SCHIP1: variants seen among roughly 807,000 people sequenced by gnomAD.
SCHIP1 encodes schwannomin interacting protein 1, also known as schwannomin-interacting protein 1.
SCHIP1 carries 8 observed loss-of-function variants against 29.7 expected under a neutral mutation model. That is an observed-to-expected ratio of 0.27 (90% CI 0.16 to 0.49). SCHIP1 has a LOEUF of 0.49. Among genes scored for constraint, SCHIP1 ranks in the 20% least tolerant of loss-of-function variants. SCHIP1 has a pLI of 0.99. For missense variants in SCHIP1, 193 were observed against 294.6 expected, an observed-to-expected ratio of 0.66 and a Z score of 2.52; for synonymous variants, 76 against 94.9, an observed-to-expected ratio of 0.80 and a Z score of 1.16.
chr3:159,345,804 A>T, the SCHIP1 span, among the ~76,000 whole-genome samples: 2 of 152,182 alleles, frequency 1.3e-5, no homozygotes, highest in Non-Finnish European at 1.5e-5. Context: ...GGGCCTGAGG[A>T]TGTGTCTTGG....
At chr3:159,749,693 G>A in the SCHIP1 span, among the ~76,000 whole-genome samples, 1,123 of 152,304 alleles carry the variant, frequency 7.4e-3, 10 homozygotes, top group African/African-American at 0.026. Flanking sequence ...TAGAGGCTCC[G>A]CAGCTTGCAC....
At chr3:159,761,438 A>G in the SCHIP1 span, among the ~76,000 whole-genome samples, 4 of 152,234 alleles carry the variant, frequency 2.6e-5, no homozygotes, top group Admixed American at 2.0e-4. Context: ...TGAAAGCTCC[A>G]AGCTCCTAAC....
chr3:159,523,821 C>A, the SCHIP1 span, among the ~76,000 whole-genome samples: 1 of 152,176 alleles, frequency 6.6e-6, no homozygotes, highest in African/African-American at 2.4e-5. Flanking sequence ...GATCTAGAAA[C>A]AAACACAATG....
the SCHIP1 span, among the ~76,000 whole-genome samples, chr3:159,396,416 C>T: frequency 2.0e-5 from 3 of 146,564 alleles, no homozygotes; most frequent in Non-Finnish European, 3.0e-5. Context: ...TTCCTAGTCT[C>T]GATGGTCTTT....
chr3:159,286,992 C>A, the SCHIP1 span, among the ~76,000 whole-genome samples: 3 of 152,114 alleles, frequency 2.0e-5, no homozygotes, highest in East Asian at 1.9e-4. Context: ...GCACACTTTG[C>A]AGATATTTTC....
At chr3:159,347,046 C>G in the SCHIP1 span, among the ~76,000 whole-genome samples, 1 of 152,232 alleles carries the variant, frequency 6.6e-6, no homozygotes, top group East Asian at 1.9e-4. Flanking sequence ...CTTCACATCT[C>G]ACTGGCTTCA....
At chr3:159,860,518 G>GT in intron 1 of SCHIP1, among the ~76,000 whole-genome samples, 1 of 152,340 alleles carries the variant, frequency 6.6e-6, no homozygotes, top group African/African-American at 2.4e-5. Flanking sequence ...GAGGATGCTA[G>GT]ACGTGGTATC....
At chr3:159,745,559 C>T in the SCHIP1 span, among the ~76,000 whole-genome samples, 1 of 152,200 alleles carries the variant, frequency 6.6e-6, no homozygotes, top group African/African-American at 2.4e-5. Context: ...TTTCCCATTC[C>T]ACCCTCAGCC....
At chr3:159,370,709 T>C in the SCHIP1 span, among the ~76,000 whole-genome samples, 4 of 152,302 alleles carry the variant, frequency 2.6e-5, no homozygotes, top group East Asian at 7.7e-4. Context: ...ATCCTCTCTC[T>C]CTTCTTGAGC....
chr3:159,766,813 C>G, the SCHIP1 span, among the ~76,000 whole-genome samples: 1 of 152,146 alleles, frequency 6.6e-6, no homozygotes, highest in African/African-American at 2.4e-5. Context: ...ATACAGACTG[C>G]CTTCCCTCCA....
At chr3:159,545,475 T>C in the SCHIP1 span, among the ~76,000 whole-genome samples, 2 of 151,754 alleles carry the variant, frequency 1.3e-5, no homozygotes, top group East Asian at 1.9e-4. Context: ...TGTTCTTCAG[T>C]TTTGGAACCT....
chr3:159,864,990 G>T (rs1295912912), intron 1 of SCHIP1, among the ~76,000 whole-genome samples: 3 of 152,148 alleles, frequency 2.0e-5, no homozygotes, highest in African/African-American at 7.2e-5. Context: ...ATTGTATACT[G>T]TCCTTCACTT....
At chr3:159,752,990 C>T in the SCHIP1 span, among the ~76,000 whole-genome samples, 1 of 152,176 alleles carries the variant, frequency 6.6e-6, no homozygotes, top group Non-Finnish European at 1.5e-5. Context: ...CCTCTTCGTG[C>T]ATAAATCTAG....
the SCHIP1 span, among the ~76,000 whole-genome samples, chr3:159,641,673 A>G: frequency 1.3e-4 from 20 of 152,186 alleles, no homozygotes; most frequent in African/African-American, 4.8e-4. Flanking sequence ...TTTGGCTCCT[A>G]AGTGAGTGTA....
At chr3:159,856,487 A>C (rs746913669) in intron 1 of SCHIP1, among the ~76,000 whole-genome samples, 6 of 152,142 alleles carry the variant, frequency 3.9e-5, no homozygotes, top group Non-Finnish European at 7.4e-5. Flanking sequence ...TCTAAATGAC[A>C]CTAATGGAGA....
chr3:159,442,363 GA>G, the SCHIP1 span, among the ~76,000 whole-genome samples: 1 of 152,154 alleles, frequency 6.6e-6, no homozygotes, highest in East Asian at 1.9e-4. Flanking sequence ...GTCTGGTCAG[GA>G]TAGGAGCGCT....
At chr3:159,398,093 T>G in the SCHIP1 span, among the ~76,000 whole-genome samples, 1 of 152,142 alleles carries the variant, frequency 6.6e-6, no homozygotes, top group Non-Finnish European at 1.5e-5. Context: ...ATTTTCCAGG[T>G]GCCATCTGTC....
chr3:159,395,079 G>T, the SCHIP1 span, among the ~76,000 whole-genome samples: 1 of 152,070 alleles, frequency 6.6e-6, no homozygotes, highest in African/African-American at 2.4e-5. Context: ...TCCATTTCTT[G>T]TAGATTTTCT....
the SCHIP1 span, among the ~76,000 whole-genome samples, chr3:159,279,711 C>A: frequency 2.0e-5 from 3 of 151,906 alleles, no homozygotes; most frequent in African/African-American, 7.3e-5. Flanking sequence ...AGAACTTGAC[C>A]CTAGGTAATT....
Sources: gnomAD v4.1 joint callset for allele counts (sites outside exome capture counted in the v4.1 genomes callset) on GRCh38, gnomAD v4.1.1 for gene constraint, MANE v1.5 for transcripts, NCBI Gene and HGNC (gene_info 2026-07-23, HGNC 2026-07-21) for gene names.